Variants in SLC9A5 observed in about 807,000 individuals in gnomAD.
SLC9A5 encodes the protein sodium/hydrogen exchanger 5.
In SLC9A5, 52 loss-of-function variants were observed where a neutral mutation model predicts 91.7. The observed-to-expected ratio is 0.57, with a 90% CI of 0.45 to 0.71. SLC9A5 has a LOEUF of 0.71. Among genes scored for constraint, SLC9A5 ranks in the 30% least tolerant of loss-of-function variants. SLC9A5 has a pLI of 0.00. For synonymous variants in SLC9A5, 419 were observed against 474.5 expected (o/e 0.88, Z 1.52); for missense variants, 871 against 1,158.9 (o/e 0.75, Z 3.61).
At chr16:67,262,950 T>C (rs2035580136) in intron 12 of SLC9A5, 2 of 152,268 alleles carry the variant, frequency 1.3e-5, no homozygotes, top group African/African-American at 4.8e-5. Context: ...AAGGAAATAG[T>C]GGGTAGGAGA....
At chr16:67,263,439 G>C (rs1252674810) in intron 12 of SLC9A5, 3 of 149,714 alleles carry the variant, frequency 2.0e-5, no homozygotes, top group African/African-American at 7.3e-5. Flanking sequence ...AAGGAGGGTA[G>C]AGGCAGAGGC....
rs867393959 is a variant in SLC9A5 at position 67,258,095 on chromosome 16, T to C, written c.1497-223T>C. On this transcript the variant is annotated intron_variant, in intron 9 of 15. Coordinates refer to ENST00000299798, the MANE Select transcript of SLC9A5 (RefSeq NM_004594.3). This position sits in a 1 kb window ranked among gnomAD's most constrained non-coding sequence, Gnocchi z 4.5. ...TTATCCTTTGTAGTTCTTGTCATGG[T>C]TGCAATTTTACAGTGATTTGTAATA... Among the ~76,000 whole-genome samples the C allele has an allele frequency of 1.2e-4, 19 of 152,368 alleles. No homozygotes were observed. The South Asian group carries it at 2.1e-3, about 17-fold the overall frequency.
chr16:67,253,579 A>T (rs765933057), intron 2 of SLC9A5, among the ~76,000 whole-genome samples: 2 of 152,052 alleles, frequency 1.3e-5, no homozygotes, highest in African/African-American at 4.8e-5. Flanking sequence ...CTAGAGTGCA[A>T]TGGCATGATC....
In SLC9A5 at chr16:67,259,705, T is replaced by C. The variant is rs766797338; in HGVS notation, c.1715+44T>C. 1.1e-5 allele frequency: 17 copies of C among 1,598,702 alleles called. No individual in the cohort carries two copies. The South Asian group carries it at 1.8e-4, about 17-fold the overall frequency. ...TCCCCTTCCTCATACTCCTCTCCAT[T>C]GTGCCCTCTCTCTGAGTCCCTTCTG... is the stretch of plus-strand genomic sequence containing the variant. On this transcript the variant is annotated intron_variant, in intron 11 of 15. Transcript: ENST00000299798.
chr16:67,251,400 TGTC>T (rs1291590899), intron 1 of SLC9A5, among the ~76,000 whole-genome samples: 3 of 146,428 alleles, frequency 2.0e-5, no homozygotes, highest in Non-Finnish European at 4.5e-5. Context: ...TTGAGTAGAT[TGTC>T]TTTTTTTTTT....
In SLC9A5 at chr16:67,264,214, T is replaced by G; in HGVS notation, c.1843-138T>G. ...CTGGGTTCCTGTTGTATTTTTTGTT[T>G]TGTTTTTCAATCCATTGTTAATTCT... On this transcript the variant is annotated intron_variant, in intron 12 of 15. Transcript: ENST00000299798. The G allele has an allele frequency of 9.9e-6, 7 of 709,670 alleles. No individual in the cohort carries two copies. The South Asian group carries it at 1.3e-4, about 14-fold the overall frequency. The allele number at this position is 709,670 out of a possible 1,614,324, so 44.0% of individuals were successfully genotyped here.
At chr16:67,259,712 T>A in intron 11 of SLC9A5, 51 bp downstream of exon 11, 1 of 1,594,024 alleles carries the variant, frequency 6.3e-7, no homozygotes, top group Non-Finnish European at 8.6e-7. Context: ...CATTGTGCCC[T>A]CTCTCTGAGT....
chr16:67,266,329 T>C, intron 15 of SLC9A5, 104 bp downstream of exon 15: 1 of 1,175,992 alleles, frequency 8.5e-7, no homozygotes, highest in Non-Finnish European at 1.2e-6. Flanking sequence ...TATTCACTAG[T>C]TTATTCATCA....
rs773868410 is a variant in SLC9A5 at position 67,257,298 on chromosome 16, G to A, written c.1336-47G>A. On this transcript the variant is annotated intron_variant, in intron 7 of 15. Coordinates refer to ENST00000299798, the MANE Select transcript of SLC9A5 (RefSeq NM_004594.3). The surrounding 1 kb of genome is among the most constrained non-coding windows in gnomAD (Gnocchi z 5.1). ...CATTACGGGGAGAGAAAGGCAGCAG[G>A]GAACTGAATAGGAATAGGGCAGGGC... is the stretch of plus-strand genomic sequence containing the variant. The A allele has an allele frequency of 1.5e-5, 23 of 1,524,904 alleles. No individual in the cohort carries two copies. Among genetic ancestry groups the A allele is most frequent in the Non-Finnish European group, 5.5e-6 (6 of 1,099,350 alleles). 94.5% of individuals were successfully genotyped at this position (1,524,904 alleles called of 1,614,324 possible). A position where few individuals can be genotyped will look rare whatever the true frequency, so the allele number is the denominator to read the frequency against.
chr16:67,250,018 G>T (rs186385753), intron 1 of SLC9A5, among the ~76,000 whole-genome samples: 6 of 152,252 alleles, frequency 3.9e-5, no homozygotes, highest in Admixed American at 2.6e-4. Flanking sequence ...TCCCTGTTGT[G>T]CTGGCTCTGC....
rs1030317416 is a variant in SLC9A5, at chr16:67,249,344, GC to G, written c.187+146del. 30 of 613,512 alleles carry G rather than the reference GC, an allele frequency of 4.9e-5. No homozygotes were observed. In the South Asian group the frequency reaches 9.3e-4, roughly 19 times the overall value. The allele number at this position is 613,512 out of a possible 1,614,324, so 38.0% of individuals were successfully genotyped here. A position where few individuals can be genotyped will look rare whatever the true frequency, so the allele number is the denominator to read the frequency against. On this transcript the variant is annotated intron_variant, in intron 1 of 15. Coordinates refer to ENST00000299798, the MANE Select transcript of SLC9A5 (RefSeq NM_004594.3). ...TTGGATTCCACAAATCCGGGCTCTC[GC>G]CCAGTTCCTGCATCGCTTCTTGTGG...
chr16:67,254,787 A>G (rs1234004964), intron 2 of SLC9A5, among the ~76,000 whole-genome samples: 2 of 152,206 alleles, frequency 1.3e-5, no homozygotes, highest in Non-Finnish European at 2.9e-5. Flanking sequence ...GAGCCACATG[A>G]CAGTGACGGA....
intron 15 of SLC9A5, among the ~76,000 whole-genome samples, chr16:67,268,703 TA>T (rs1567421728): frequency 1.1e-4 from 11 of 98,106 alleles, no homozygotes; most frequent in Non-Finnish European, 1.4e-4. Flanking sequence ...TATATATATA[TA>T]TATATATTTT....
chr16:67,253,006 T>C (rs1158202095), intron 2 of SLC9A5, among the ~76,000 whole-genome samples, 162 bp downstream of exon 2: 2 of 152,238 alleles, frequency 1.3e-5, no homozygotes, highest in East Asian at 1.9e-4. Flanking sequence ...TCAGGCCTCA[T>C]TGAGGTCTCT....
chr16:67,254,903 C>T, intron 2 of SLC9A5, 118 bp from the exon 3 acceptor site: 2 of 954,030 alleles, frequency 2.1e-6, no homozygotes, highest in Admixed American at 5.2e-5. Context: ...ATCCCAAGTC[C>T]TCTTTGGGCT....
At position 67,249,106 on chromosome 16, in the gene SLC9A5, C is replaced by T; in HGVS notation, c.92C>T (p.Pro31Leu). The change falls in exon 1 of 16, where the codon CCC becomes CTC. Residue 31 changes from proline to leucine, a missense_variant. By Grantham distance (98) the Pro-to-Leu change is moderately conservative. This residue lies in a region of SLC9A5 where 122 missense variants were observed against 114.5 expected (regional missense o/e 1.07). Transcript: ENST00000299798. ...AAGCCAGAGTCCCCGGGCGAGCCTC[C>T]CCCAGGCTTAGAGCTCTTCCGCTGG... ...TQKPESPGEPPPGLELFRWQW... is the reference protein window; with the variant it reads ...TQKPESPGEPLPGLELFRWQW... 1 of 1,547,166 alleles carries T rather than the reference C, an allele frequency of 6.5e-7. No homozygotes were observed.
rs1156954686 is a variant in SLC9A5, at chr16:67,252,557, G to A, written c.203G>A (p.Arg68Gln). 24 of 1,612,392 alleles carry A rather than the reference G, an allele frequency of 1.5e-5. No individual in the cohort carries two copies. Among genetic ancestry groups the A allele is most frequent in the South Asian group, 2.2e-5 (2 of 91,020 alleles). ...SLAKIVFHLS[R>Q]KVTSLVPESC... ...TGCATTGCAGTGTTTCACCTGTCTC[G>A]GAAAGTAACATCTCTGGTCCCTGAG... Residue 68 changes from arginine to glutamine, a missense_variant, in exon 2 of 16, where the codon CGG becomes CAG. Arg to Gln is a conservative substitution (Grantham distance 43, BLOSUM62 1). Around this residue, in one of 3 missense-constraint regions of SLC9A5, gnomAD observed 122 missense variants for 114.5 expected, o/e 1.07. Transcript: ENST00000299798. This position sits in a 1 kb window ranked among gnomAD's most constrained non-coding sequence, Gnocchi z 4.0.
rs751965657 is a variant in SLC9A5 at position 67,256,996 on chromosome 16, C to T, written c.1218C>T (p.Gly406=). ...ACCAAGTGGTGATGTCCTATGGGGG[C>T]CTGCGGGGGGCTGTGGCCTTTGCTC... ...KIDQVVMSYG[G]LRGAVAFALV... The change falls in exon 7 of 16, where the codon GGC becomes GGT. Residue 406 remains glycine, a synonymous_variant. Coordinates refer to ENST00000299798, the MANE Select transcript of SLC9A5 (RefSeq NM_004594.3). This position sits in a 1 kb window ranked among gnomAD's most constrained non-coding sequence, Gnocchi z 4.1. The T allele has an allele frequency of 2.5e-5, 41 of 1,613,974 alleles. No homozygotes were observed. Among genetic ancestry groups the T allele is most frequent in the Non-Finnish European group, 8.5e-7 (1 of 1,180,016 alleles).
chr16:67,266,470 A>G (rs2035708144), intron 15 of SLC9A5, among the ~76,000 whole-genome samples: 1 of 152,222 alleles, frequency 6.6e-6, no homozygotes, highest in Non-Finnish European at 1.5e-5. Flanking sequence ...AGCATCACAT[A>G]GTAGAACCAG....
Sources: gnomAD v4.1 joint callset for allele counts (sites outside exome capture counted in the v4.1 genomes callset) on GRCh38, gnomAD v4.1.1 for gene constraint, gnomAD v4.1.1 regional missense constraint, Gnocchi (gnomAD v3.1) non-coding constraint, MANE v1.5 for transcripts, NCBI Gene and HGNC (gene_info 2026-07-23, HGNC 2026-07-21) for gene names.